Variants in BTAF1 observed in about 807,000 individuals in gnomAD.
BTAF1 encodes TATA-binding protein-associated factor 172.
Under a neutral mutation model 227.1 loss-of-function variants are expected in BTAF1, and 38 were observed. That is an observed-to-expected ratio of 0.17 (90% CI 0.13 to 0.22). The LOEUF (loss-of-function observed/expected upper bound fraction) is 0.22. Ranked by LOEUF, BTAF1 falls within the 10% of genes least tolerant of loss-of-function variation. The probability of loss-of-function intolerance (pLI) is 1.00; values close to 1 mark genes in which losing one functional copy is unlikely to be tolerated. For missense variants in BTAF1, 1,598 were observed against 2,204.0 expected (o/e 0.73, Z 5.51); for synonymous variants, 742 against 751.9 (o/e 0.99, Z 0.21).
At chr10:91,955,364 A>C (rs1846022226) in intron 6 of BTAF1, among the ~76,000 whole-genome samples, 1 of 152,222 alleles carries the variant, frequency 6.6e-6, no homozygotes, top group African/African-American at 2.4e-5. Flanking sequence ...ATAGAGAAGA[A>C]TTCCTGCCTT....
chr10:92,016,459 A>G lies in BTAF1; in HGVS notation c.4704A>G (p.Val1568=). The G allele has an allele frequency of 6.4e-7, 1 of 1,559,452 alleles. No individual in the cohort carries two copies. The change falls in exon 33 of 38, where the codon GTA becomes GTG. Residue 1568 remains valine, a synonymous_variant. Coordinates refer to ENST00000265990, the MANE Select transcript of BTAF1 (RefSeq NM_003972.3). ...EKPKLKATGH[V]FQALQYLRKL... is the part of the protein sequence containing the mutation. ...CAAAGCTTAAAGCTACAGGCCACGTATTCCAGGTATAGATTACATTCTACT... is the reference window on the plus strand; with the variant it reads ...CAAAGCTTAAAGCTACAGGCCACGTGTTCCAGGTATAGATTACATTCTACT...
intron 4 of BTAF1, among the ~76,000 whole-genome samples, chr10:91,944,326 C>T (rs1273245678): frequency 6.6e-6 from 1 of 152,084 alleles, no homozygotes; most frequent in South Asian, 2.1e-4. Context: ...CTGTGTTTGT[C>T]CCCTCATATA....
intron 2 of BTAF1, among the ~76,000 whole-genome samples, chr10:91,939,217 A>G (rs1398406418): frequency 6.6e-6 from 1 of 152,148 alleles, no homozygotes; most frequent in Non-Finnish European, 1.5e-5. Context: ...GCTACTGTAA[A>G]TGGCATGGTT....
chr10:92,018,334 GC>G (rs779851788), intron 33 of BTAF1, among the ~76,000 whole-genome samples: 3 of 152,108 alleles, frequency 2.0e-5, no homozygotes, highest in Non-Finnish European at 4.4e-5. Context: ...ACCCACCTCG[GC>G]CTCCCAAACT....
In BTAF1 at chr10:91,964,095, A is replaced by G; in HGVS notation, c.1423A>G (p.Thr475Ala). 1 of 1,613,528 alleles carries G rather than the reference A, an allele frequency of 6.2e-7. No individual in the cohort carries two copies. Among genetic ancestry groups the G allele is most frequent in the Non-Finnish European group, 8.5e-7 (1 of 1,179,844 alleles). ...QTQKVPFIIN[T>A]LWDALLELDD... ...CTTATAGGTGCCCTTCATTATAAATACATTGTGGGATGCTCTTCTGGAATT... is the reference window on the plus strand; with the variant it reads ...CTTATAGGTGCCCTTCATTATAAATGCATTGTGGGATGCTCTTCTGGAATT... The change falls in exon 13 of 38, where the codon ACA becomes GCA. Residue 475 changes from threonine (T) to alanine (A), a missense_variant. By Grantham distance (58) the Thr-to-Ala change is moderately conservative. Around this residue, in one of 10 missense-constraint regions of BTAF1, gnomAD observed 318 missense variants for 435.0 expected, o/e 0.73. Transcript: ENST00000265990.
chr10:92,016,672 C>T (rs1850757476), intron 33 of BTAF1, among the ~76,000 whole-genome samples: 2 of 151,996 alleles, frequency 1.3e-5, no homozygotes, highest in Admixed American at 6.6e-5. Context: ...GATGGAGTTT[C>T]GCCATGTTGG....
chr10:92,022,259 A>AT (rs1375731526), intron 34 of BTAF1, among the ~76,000 whole-genome samples: 1 of 152,194 alleles, frequency 6.6e-6, no homozygotes, highest in East Asian at 1.9e-4. Flanking sequence ...GGTCTTGGAG[A>AT]AGTCCTAGTT....
At chr10:91,988,748 G>A (rs1007634778) in intron 19 of BTAF1, among the ~76,000 whole-genome samples, 3 of 152,196 alleles carry the variant, frequency 2.0e-5, no homozygotes, top group Non-Finnish European at 4.4e-5. Context: ...GAGTTTTAGA[G>A]TTGAAAAGAA....
intron 26 of BTAF1, 76 bp from the exon 27 acceptor site, chr10:92,008,750 CGTT>C (rs1850112609): frequency 1.8e-5 from 24 of 1,334,990 alleles, no homozygotes; most frequent in South Asian, 1.5e-4. Context: ...TTTGTGCAAA[CGTT>C]GTTTATAAGA....
rs755243598 is a variant in BTAF1 at position 91,953,802 on chromosome 10, C to T, written c.630C>T (p.Asn210=). The stretch of plus-strand genomic sequence containing the variant: ...CAGGAATGAGCAATAGACAAAAGAA[C>T]AAAGCTAAAAGAATGGCCAAGTTAT... ...FRAGMSNRQK[N]KAKRMAKLFA... is the part of the protein sequence containing the mutation. The change falls in exon 6 of 38, where the codon AAC becomes AAT. Residue 210 remains asparagine (N), a synonymous_variant. Transcript: ENST00000265990. 13 of 1,613,796 alleles carry T rather than the reference C, an allele frequency of 8.1e-6. No individual in the cohort carries two copies. In the East Asian group the frequency reaches 2.7e-4, roughly 33 times the overall value.
Position 91,924,005 on chromosome 10 carries a change from C to T in BTAF1, c.-72C>T. ...CGCGGCCTGGGCCTGCGCCGCTCAGCTCTCTGGAAACTAGCGCCTCAGCTG... is the reference window on the plus strand; with the variant it reads ...CGCGGCCTGGGCCTGCGCCGCTCAGTTCTCTGGAAACTAGCGCCTCAGCTG... On this transcript the variant is annotated 5_prime_UTR_variant, in exon 1 of 38. Transcript: ENST00000265990. The T allele has an allele frequency of 1.9e-6, 3 of 1,568,682 alleles. No individual in the cohort carries two copies. The highest frequency in any genetic ancestry group is 2.3e-5 in the East Asian group (1 of 42,616).
rs775453771 is a variant in BTAF1 at position 92,009,004 on chromosome 10, CA to C, written c.3936-35del. ...GTTTCCGGATTTGGAGAAATGTAAA[CA>C]AGCTGGTTAATTTATTGTGTTTTGC... On this transcript the variant is annotated intron_variant, in intron 27 of 37. Transcript: ENST00000265990. 1.9e-6 allele frequency: 3 copies of C among 1,612,032 alleles called. No individual in the cohort carries two copies. The South Asian group carries it at 3.3e-5, about 18-fold the overall frequency.
At chr10:91,946,100 G>C (rs1845344172) in intron 4 of BTAF1, among the ~76,000 whole-genome samples, 2 of 152,124 alleles carry the variant, frequency 1.3e-5, no homozygotes, top group South Asian at 4.1e-4. Context: ...CCTTTTATCT[G>C]TTTTGAAAAA....
chr10:91,971,387 T>C (rs981286356), intron 14 of BTAF1, among the ~76,000 whole-genome samples: 3 of 152,176 alleles, frequency 2.0e-5, no homozygotes, highest in Admixed American at 6.5e-5. Context: ...TAGCAGTCTC[T>C]GATTTTGGTC....
rs551702339 is a variant in BTAF1 at position 91,981,321 on chromosome 10, G to T, written c.1756-322G>T. 7.9e-5 allele frequency among the ~76,000 whole-genome samples: 12 copies of T among 152,072 alleles called. No homozygotes were observed. The South Asian group carries it at 2.3e-3, about 29-fold the overall frequency. On this transcript the variant is annotated intron_variant, in intron 15 of 37. Transcript: ENST00000265990. Reference sequence around the variant, plus strand: ...GAATATAGGACTGCATTAATATTGAGTCTTATGATATATGCAAAGGATTTA... The same window carrying T: ...GAATATAGGACTGCATTAATATTGATTCTTATGATATATGCAAAGGATTTA...
intron 18 of BTAF1, among the ~76,000 whole-genome samples, chr10:91,983,252 T>G (rs1848187478): frequency 6.6e-6 from 1 of 152,242 alleles, no homozygotes. Context: ...AACCATTCCC[T>G]TCCAGCCTCT....
At chr10:92,025,591 G>C (rs1338753351) in intron 35 of BTAF1, among the ~76,000 whole-genome samples, 1 of 152,064 alleles carries the variant, frequency 6.6e-6, no homozygotes, top group Non-Finnish European at 1.5e-5. Flanking sequence ...TGGATTACTT[G>C]AGGTCAGGAG....
chr10:91,989,676 G>A (rs1310729672), intron 20 of BTAF1, 96 bp downstream of exon 20: 3 of 1,204,960 alleles, frequency 2.5e-6, no homozygotes, highest in African/African-American at 1.5e-5. Context: ...TCCAGTTCAT[G>A]TTAGTGTTTT....
intron 14 of BTAF1, among the ~76,000 whole-genome samples, chr10:91,978,814 G>GTTTTTTT (rs145477284): frequency 2.8e-4 from 25 of 89,824 alleles, no homozygotes; most frequent in Admixed American, 4.0e-4. Flanking sequence ...TTTATGGCTT[G>GTTTTTTT]TTTTTTTTTT....
Sources: gnomAD v4.1 joint callset for allele counts (sites outside exome capture counted in the v4.1 genomes callset) on GRCh38, gnomAD v4.1.1 for gene constraint, gnomAD v4.1.1 regional missense constraint, MANE v1.5 for transcripts, NCBI Gene and HGNC (gene_info 2026-07-23, HGNC 2026-07-21) for gene names.